The following ZNF131 variants were observed in gnomAD, a reference collection of about 807,000 sequenced individuals.
The protein encoded by ZNF131 is zinc finger and BTB domain containing 35.
ZNF131 carries 7 observed loss-of-function variants against 60.0 expected under a neutral mutation model. The observed-to-expected ratio is 0.12, with a 90% CI of 0.07 to 0.22. The LOEUF is 0.22. Among genes scored for constraint, ZNF131 ranks in the 10% least tolerant of loss-of-function variants. The pLI, the probability that ZNF131 is intolerant of heterozygous loss-of-function variation, is 1.00. For missense variants in ZNF131, 493 were observed against 740.9 expected (o/e 0.67, Z 3.88); for synonymous variants, 257 against 253.2 (o/e 1.01, Z -0.14).
Position 43,175,970 on chromosome 5 carries a change from T to C in ZNF131, c.*837T>C, listed in dbSNP as rs1751528939. 1 of 152,294 alleles carries C rather than the reference T, an allele frequency of 6.6e-6. No individual in the cohort carries two copies. The highest frequency in any genetic ancestry group is 1.5e-5 in the Non-Finnish European group (1 of 68,100). The allele number at this position is 152,294 out of a possible 1,614,324, so 9.4% of individuals were successfully genotyped here. ...TATTTACATCTGTGGTAAACTTTAT[T>C]TTGATGAAAAGTTGCACTAGTATTT... On this transcript the variant is annotated 3_prime_UTR_variant, in exon 7 of 7. Coordinates refer to ENST00000682664, the MANE Select transcript of ZNF131 (RefSeq NM_001330707.2).
chr5:43,161,966 C>G (rs910299419), intron 5 of ZNF131, 35 bp downstream of exon 5: 5 of 1,518,680 alleles, frequency 3.3e-6, no homozygotes, highest in Non-Finnish European at 4.4e-6. Context: ...ATTTTTTTTT[C>G]CCACATGCAC....
At chr5:43,146,925 A>G (rs972002141) in intron 4 of ZNF131, among the ~76,000 whole-genome samples, 2 of 152,158 alleles carry the variant, frequency 1.3e-5, no homozygotes, top group Admixed American at 6.6e-5. Flanking sequence ...ATATGTATAT[A>G]TACAGTGATA....
intron 3 of ZNF131, among the ~76,000 whole-genome samples, chr5:43,130,084 G>A (rs191299815): frequency 4.8e-4 from 73 of 151,336 alleles, no homozygotes; most frequent in African/African-American, 1.7e-3. Flanking sequence ...TGGGCAACAC[G>A]GTGAAACCGT....
intron 5 of ZNF131, among the ~76,000 whole-genome samples, chr5:43,172,964 G>A (rs892695912): frequency 6.6e-6 from 1 of 152,108 alleles, no homozygotes; most frequent in Admixed American, 6.5e-5. Flanking sequence ...TGGTAAGTGT[G>A]CAAAAAATGC....
chr5:43,134,442 A>AG (rs1745762563), intron 3 of ZNF131, among the ~76,000 whole-genome samples: 1 of 152,180 alleles, frequency 6.6e-6, no homozygotes, highest in African/African-American at 2.4e-5. Context: ...CTCTAAGATC[A>AG]AGGAACAAGA....
chr5:43,147,383 GT>G (rs1481484182), intron 4 of ZNF131, among the ~76,000 whole-genome samples: 1 of 151,764 alleles, frequency 6.6e-6, no homozygotes, highest in African/African-American at 2.4e-5. Flanking sequence ...CAGTTTGGAA[GT>G]TTTTTAAATC....
intron 4 of ZNF131, among the ~76,000 whole-genome samples, chr5:43,157,514 T>C (rs1487526403): frequency 1.3e-5 from 2 of 151,644 alleles, no homozygotes; most frequent in African/African-American, 2.4e-5. Context: ...AAAGAGTCTC[T>C]CTCCCACAGA....
chr5:43,154,199 G>A (rs1031668356), intron 4 of ZNF131, among the ~76,000 whole-genome samples: 1 of 152,108 alleles, frequency 6.6e-6, no homozygotes, highest in African/African-American at 2.4e-5. Flanking sequence ...ATTGTCTGAG[G>A]TCAGGAGTTT....
chr5:43,149,100 C>T (rs908047105), intron 4 of ZNF131, among the ~76,000 whole-genome samples: 3 of 152,066 alleles, frequency 2.0e-5, no homozygotes, highest in Non-Finnish European at 2.9e-5. Context: ...GCCAACATGG[C>T]GAAACCCCGT....
Position 43,139,286 on chromosome 5 carries a change from A to G in ZNF131, c.348A>G (p.Glu116=), listed in dbSNP as rs768872286. 3.1e-6 allele frequency: 5 copies of G among 1,610,410 alleles called. No individual in the cohort carries two copies. In the South Asian group the frequency reaches 5.5e-5, roughly 18 times the overall value. ...WKAAEFLQML[E]AIKALEVRNK... ...CAGCAGAGTTTCTACAAATGCTAGA[A>G]GCTATCAAAGCCCTTGAAGTCAGGT... Residue 116 remains glutamate, a synonymous_variant, in exon 4 of 7, where the codon GAA becomes GAG. Transcript: ENST00000682664.
At chr5:43,155,845 G>T (rs946787833) in intron 4 of ZNF131, among the ~76,000 whole-genome samples, 1 of 152,124 alleles carries the variant, frequency 6.6e-6, no homozygotes, top group African/African-American at 2.4e-5. Flanking sequence ...AAATTTGCTG[G>T]GGTTTATCAG....
At chr5:43,150,035 G>A (rs1268650346) in intron 4 of ZNF131, among the ~76,000 whole-genome samples, 2 of 152,200 alleles carry the variant, frequency 1.3e-5, no homozygotes, top group East Asian at 1.9e-4. Context: ...AGCAGCATGA[G>A]TTCCATGTTT....
rs761902665 is a variant in ZNF131 at position 43,122,113 on chromosome 5, C to T, written c.60C>T (p.Ile20=). The T allele has an allele frequency of 5.6e-6, 9 of 1,614,080 alleles. No individual in the cohort carries two copies. Among genetic ancestry groups the T allele is most frequent in the Non-Finnish European group, 5.9e-6 (7 of 1,180,008 alleles). ...AGTTCCCTGAACATCATAAAATGAT[C>T]CTCGACCGATTGAATGAACAGCGAG... is the stretch of plus-strand genomic sequence containing the variant. ...LQEFPEHHKM[I]LDRLNEQREQ... The change falls in exon 2 of 7, where the codon ATC becomes ATT. Residue 20 remains isoleucine (I), a synonymous_variant. Coordinates refer to ENST00000682664, the MANE Select transcript of ZNF131 (RefSeq NM_001330707.2).
rs755355992 is a variant in ZNF131 at position 43,138,066 on chromosome 5, C to T, written c.227-1099C>T. ...TCAAATAGATTGAAAGAGTGGAATA[C>T]GGGTTGCTAGGGGCTGGGAGGGAGG... On this transcript the variant is annotated intron_variant, in intron 3 of 6. Transcript: ENST00000682664. Among the ~76,000 whole-genome samples, 10 of 152,150 alleles carry T rather than the reference C, an allele frequency of 6.6e-5. 1 individual carries two copies. Among genetic ancestry groups the T allele is most frequent in the South Asian group, 4.2e-4 (2 of 4,812 alleles).
intron 4 of ZNF131, among the ~76,000 whole-genome samples, chr5:43,141,043 T>G (rs1746760882): frequency 6.6e-6 from 1 of 152,048 alleles, no homozygotes; most frequent in Non-Finnish European, 1.5e-5. Flanking sequence ...TTTTAAGAGA[T>G]AAAAATTTAG....
intron 1 of ZNF131, 27 bp downstream of exon 1, chr5:43,121,150 A>C (rs1204267255): frequency 6.9e-6 from 1 of 145,568 alleles, no homozygotes; most frequent in African/African-American, 2.5e-5. Flanking sequence ...CAGGTCTCGG[A>C]AGGAAGGGGG....
chr5:43,158,238 G>C (rs564751572), intron 4 of ZNF131, among the ~76,000 whole-genome samples: 1 of 152,176 alleles, frequency 6.6e-6, no homozygotes, highest in South Asian at 2.1e-4. Flanking sequence ...AGAGTGCTGG[G>C]ATTACAGGCG....
At chr5:43,172,627 A>AAC (rs1396674353) in intron 5 of ZNF131, among the ~76,000 whole-genome samples, 5 of 152,030 alleles carry the variant, frequency 3.3e-5, no homozygotes, top group African/African-American at 4.8e-5. Context: ...CAAAAAAAAA[A>AAC]AAAAACCCTA....
At position 43,161,551 on chromosome 5, in the gene ZNF131, A is replaced by G. The variant is rs765334972; in HGVS notation, c.674A>G (p.Asp225Gly). Residue 225 changes from aspartate to glycine, a missense_variant, in exon 5 of 7, where the codon GAC becomes GGC. Transcript: ENST00000682664. ...ADITSKYRQG[D>G]RKGQIKEDGC... Reference sequence around the variant, plus strand: ...ATTACCAGCAAGTACCGTCAAGGTGACAGAAAAGGGCAGATTAAAGAAGAT... The same window carrying G: ...ATTACCAGCAAGTACCGTCAAGGTGGCAGAAAAGGGCAGATTAAAGAAGAT... 1 of 1,614,242 alleles carries G rather than the reference A, an allele frequency of 6.2e-7. No individual in the cohort carries two copies. The highest frequency in any genetic ancestry group is 1.3e-5 in the African/African-American group (1 of 75,060).
Sources: allele counts gnomAD v4.1 joint callset (sites outside exome capture counted in the v4.1 genomes callset), GRCh38; gene constraint gnomAD v4.1.1; transcripts MANE v1.5; gene names NCBI Gene and HGNC (gene_info 2026-07-23, HGNC 2026-07-21).